ROBO1: variants seen among roughly 807,000 people sequenced by gnomAD.
ROBO1 encodes roundabout homolog 1.
Under a neutral mutation model 195.9 loss-of-function variants are expected in ROBO1, and 149 were observed. The observed-to-expected ratio is 0.76, with a 90% CI of 0.67 to 0.87. The LOEUF (loss-of-function observed/expected upper bound fraction) is 0.87, where lower values mean the gene tolerates loss of function less well. ROBO1 is among the 40% of genes least tolerant of loss of function. ROBO1 has a pLI of 0.00. For missense variants in ROBO1, 1,933 were observed against 2,068.3 expected, an observed-to-expected ratio of 0.93 and a Z score of 1.27; for synonymous variants, 816 against 733.2, an observed-to-expected ratio of 1.11 and a Z score of -1.82.
chr3:78,686,927 A>T (rs2081065725), intron 9 of ROBO1, among the ~76,000 whole-genome samples: 2 of 152,190 alleles, frequency 1.3e-5, no homozygotes, highest in African/African-American at 4.8e-5. Context: ...TCACACAAAA[A>T]AATAGATCAT....
At chr3:78,638,730 C>A (rs1188649437) in intron 22 of ROBO1, among the ~76,000 whole-genome samples, 4 of 151,842 alleles carry the variant, frequency 2.6e-5, no homozygotes, top group African/African-American at 9.7e-5. Flanking sequence ...TTAAATTAGC[C>A]AGGCATGGTG....
chr3:79,137,565 A>C (rs2080435489), intron 2 of ROBO1, among the ~76,000 whole-genome samples: 1 of 152,100 alleles, frequency 6.6e-6, no homozygotes, highest in Non-Finnish European at 1.5e-5. Context: ...AATAGAACAC[A>C]TCATTTTATA....
rs554785220 is a variant in ROBO1, at chr3:79,197,788, A to T, written c.89-72249T>A. 3.9e-5 allele frequency among the ~76,000 whole-genome samples: 6 copies of T among 152,122 alleles called. No homozygotes were observed. In the South Asian group the frequency reaches 1.2e-3, roughly 32 times the overall value. On this transcript the variant is annotated intron_variant, in intron 2 of 30. Transcript: ENST00000464233. ...TTTGATTTGCATTTCTCTAATGACC[A>T]GTGATGATGAGCATTTTTTCATAAG...
At chr3:79,531,318 G>T (rs1289835683) in intron 2 of ROBO1, among the ~76,000 whole-genome samples, 1 of 151,748 alleles carries the variant, frequency 6.6e-6, no homozygotes. Context: ...TAAATATTTG[G>T]CACATAACAT....
chr3:79,018,650 T>C (rs769950578), intron 3 of ROBO1: 307 of 1,412,740 alleles, frequency 2.2e-4, no homozygotes, highest in Non-Finnish European at 2.7e-4. Flanking sequence ...CAGAGACTTT[T>C]GCAGAGGAAG....
intron 2 of ROBO1, among the ~76,000 whole-genome samples, chr3:79,499,141 C>A (rs1450504380): frequency 6.6e-6 from 1 of 152,044 alleles, no homozygotes; most frequent in African/African-American, 2.4e-5. Context: ...ATTACAGGCA[C>A]GCACCACCAC....
Position 79,524,855 on chromosome 3 carries a change from T to G in ROBO1, c.88+64969A>C, listed in dbSNP as rs576874481. Among the ~76,000 whole-genome samples the G allele has an allele frequency of 5.9e-5, 9 of 152,222 alleles. No individual in the cohort carries two copies. In the South Asian group the frequency reaches 1.9e-3, roughly 32 times the overall value. The stretch of plus-strand genomic sequence containing the variant: ...CTCCAATGACAACAAGTTAGAAAGC[T>G]TTATTATTTCTCTGGTCCTAGAAAT... On this transcript the variant is annotated intron_variant, in intron 2 of 30. Transcript: ENST00000464233.
intron 3 of ROBO1, among the ~76,000 whole-genome samples, chr3:79,031,493 C>T (rs937486553): frequency 5.3e-5 from 8 of 152,138 alleles, no homozygotes; most frequent in African/African-American, 1.9e-4. Context: ...AATAACGAAG[C>T]ACAATGTTCA....
At chr3:79,388,155 C>T (rs1003857265) in intron 2 of ROBO1, among the ~76,000 whole-genome samples, 1 of 152,138 alleles carries the variant, frequency 6.6e-6, no homozygotes, top group Non-Finnish European at 1.5e-5. Flanking sequence ...AATATAATTG[C>T]TGCCATAATA....
rs750713769 is a variant in ROBO1, at chr3:78,866,465, T to G, written c.499+72136A>C. On this transcript the variant is annotated intron_variant, in intron 4 of 30. Coordinates refer to ENST00000464233, the MANE Select transcript of ROBO1 (RefSeq NM_002941.4). ...TCTGTTTTGCCTCTATTTGCCAAATTTATAGACTATAGAACCCTTCTTTCC... is the reference window on the plus strand; with the variant it reads ...TCTGTTTTGCCTCTATTTGCCAAATGTATAGACTATAGAACCCTTCTTTCC... Among the ~76,000 whole-genome samples, 5 of 152,182 alleles carry G rather than the reference T, an allele frequency of 3.3e-5. 1 individual carries two copies. Among genetic ancestry groups the G allele is most frequent in the Admixed American group, 2.6e-4 (4 of 15,278 alleles).
chr3:78,682,610 TG>T (rs2080948877), intron 10 of ROBO1, among the ~76,000 whole-genome samples: 1 of 147,552 alleles, frequency 6.8e-6, no homozygotes, highest in African/African-American at 2.5e-5. Flanking sequence ...TTATATTTTT[TG>T]TTTATATATA....
chr3:79,490,472 C>CAA (rs967804650), intron 2 of ROBO1, among the ~76,000 whole-genome samples: 2 of 152,082 alleles, frequency 1.3e-5, no homozygotes, highest in African/African-American at 4.8e-5. Context: ...TGCCCAATAA[C>CAA]ATATATATTT....
At chr3:79,398,339 A>G (rs892853296) in intron 2 of ROBO1, among the ~76,000 whole-genome samples, 27 of 152,174 alleles carry the variant, frequency 1.8e-4, no homozygotes, top group African/African-American at 6.3e-4. Flanking sequence ...ATTTTAATAT[A>G]TAATTCTTAG....
intron 3 of ROBO1, among the ~76,000 whole-genome samples, chr3:78,955,776 T>C (rs984988825): frequency 6.6e-6 from 1 of 152,150 alleles, no homozygotes; most frequent in East Asian, 1.9e-4. Context: ...TAAAAACAAT[T>C]ACACTTTTAG....
At chr3:78,708,661 ATT>A (rs1374232676) in intron 8 of ROBO1, among the ~76,000 whole-genome samples, 1 of 152,198 alleles carries the variant, frequency 6.6e-6, no homozygotes, top group Non-Finnish European at 1.5e-5. Context: ...GGAGGCATAA[ATT>A]TTAGCAGTTT....
At chr3:78,659,036 C>T (rs974358511) in intron 17 of ROBO1, among the ~76,000 whole-genome samples, 8 of 152,164 alleles carry the variant, frequency 5.3e-5, no homozygotes, top group Non-Finnish European at 1.2e-4. Context: ...AGCTTGAGAG[C>T]TGAGACATCA....
chr3:79,433,448 T>A (rs907793288), intron 2 of ROBO1, among the ~76,000 whole-genome samples: 5 of 152,084 alleles, frequency 3.3e-5, no homozygotes, highest in Non-Finnish European at 5.9e-5. Flanking sequence ...TGGACTACAG[T>A]GGTGTGATTA....
At chr3:79,510,017 A>G (rs1940618601) in intron 2 of ROBO1, among the ~76,000 whole-genome samples, 1 of 152,052 alleles carries the variant, frequency 6.6e-6, no homozygotes, top group African/African-American at 2.4e-5. Context: ...AAAAAAACCA[A>G]CCATTCATAC....
At chr3:79,361,142 A>C (rs2035752855) in intron 2 of ROBO1, among the ~76,000 whole-genome samples, 1 of 152,080 alleles carries the variant, frequency 6.6e-6, no homozygotes, top group African/African-American at 2.4e-5. Flanking sequence ...TAGTCCACAG[A>C]AAGATAAATG....
Sources: allele counts gnomAD v4.1 joint callset (sites outside exome capture counted in the v4.1 genomes callset), GRCh38; gene constraint gnomAD v4.1.1; transcripts MANE v1.5; gene names NCBI Gene and HGNC (gene_info 2026-07-23, HGNC 2026-07-21).